MSRA: variants seen among roughly 807,000 people sequenced by gnomAD.
MSRA encodes methionine sulfoxide reductase A.
In MSRA, 54 loss-of-function variants were observed where a neutral mutation model predicts 31.3. The observed-to-expected ratio is 1.73, with a 90% CI of 1.39 to 2.17. MSRA has a LOEUF of 2.17. Among genes scored for constraint, MSRA ranks in the 30% most tolerant of loss-of-function variants. The probability of loss-of-function intolerance (pLI) is 0.00; values close to 1 mark genes in which losing one functional copy is unlikely to be tolerated. For synonymous variants in MSRA, 169 were observed against 116.5 expected, an observed-to-expected ratio of 1.45 and a Z score of -2.90; for missense variants, 507 against 300.9, an observed-to-expected ratio of 1.69 and a Z score of -5.07.
At chr8:10,216,443 G>C (rs1010093525) in intron 2 of MSRA, among the ~76,000 whole-genome samples, 31 of 152,114 alleles carry the variant, frequency 2.0e-4, no homozygotes, top group African/African-American at 7.2e-4. Flanking sequence ...ATTTATCATT[G>C]TAACCATTTT....
intron 1 of MSRA, among the ~76,000 whole-genome samples, chr8:10,201,583 T>A (rs969928975): frequency 6.6e-6 from 1 of 152,228 alleles, no homozygotes; most frequent in Non-Finnish European, 1.5e-5. Context: ...TGATTTTGCA[T>A]TATTGTAGAT....
intron 5 of MSRA, among the ~76,000 whole-genome samples, chr8:10,329,484 C>T (rs1000014945): frequency 2.0e-5 from 3 of 152,206 alleles, no homozygotes; most frequent in African/African-American, 7.2e-5. Flanking sequence ...AGGGCCCACC[C>T]AAACAATCAA....
At chr8:10,127,704 A>G (rs1463100360) in intron 1 of MSRA, among the ~76,000 whole-genome samples, 1 of 152,216 alleles carries the variant, frequency 6.6e-6, no homozygotes, top group African/African-American at 2.4e-5. Flanking sequence ...GAATTGGGTT[A>G]CCTTAGCTAA....
chr8:10,255,104 C>G (rs1207052536), intron 3 of MSRA, among the ~76,000 whole-genome samples: 1 of 152,224 alleles, frequency 6.6e-6, no homozygotes, highest in East Asian at 1.9e-4. Flanking sequence ...TATTCTGGCC[C>G]TAGAGTGCTG....
chr8:10,056,951 G>A (rs995602053), intron 1 of MSRA, among the ~76,000 whole-genome samples: 8 of 152,168 alleles, frequency 5.3e-5, no homozygotes, highest in African/African-American at 1.9e-4. Context: ...TATCAGGTGT[G>A]TACCATTACC....
At chr8:10,065,244 A>G (rs1266445456) in intron 1 of MSRA, among the ~76,000 whole-genome samples, 3 of 152,102 alleles carry the variant, frequency 2.0e-5, no homozygotes, top group African/African-American at 4.8e-5. Context: ...AACAGAGGGC[A>G]CTCAGGCAGT....
At chr8:10,121,844 ATT>A (rs35572639) in intron 1 of MSRA, among the ~76,000 whole-genome samples, 130,139 of 146,794 alleles carry the variant, frequency 0.89, 57,740 homozygotes, top group East Asian at 0.94. Context: ...CTAATTTTTA[ATT>A]TTTTTTTTTT....
chr8:10,300,258 T>C (rs1287453704), intron 3 of MSRA, among the ~76,000 whole-genome samples: 1 of 152,040 alleles, frequency 6.6e-6, no homozygotes, highest in Non-Finnish European at 1.5e-5. Flanking sequence ...CTTTTTTCTT[T>C]CTTTTTTTTT....
intron 1 of MSRA, among the ~76,000 whole-genome samples, chr8:10,120,251 C>T (rs1357205839): frequency 3.9e-5 from 6 of 152,184 alleles, no homozygotes; most frequent in Non-Finnish European, 7.3e-5. Context: ...CGTACTCAGC[C>T]ATGTTGAGAG....
chr8:10,231,864 C>A (rs1428054911), intron 2 of MSRA, among the ~76,000 whole-genome samples: 1 of 152,148 alleles, frequency 6.6e-6, no homozygotes, highest in Non-Finnish European at 1.5e-5. Context: ...GATTGCATCA[C>A]TGCACTCCAG....
chr8:10,147,530 A>G (rs1311192720), intron 1 of MSRA, among the ~76,000 whole-genome samples: 1 of 152,064 alleles, frequency 6.6e-6, no homozygotes, highest in Non-Finnish European at 1.5e-5. Flanking sequence ...GAAGTGACAC[A>G]CTCTGTCTCC....
chr8:10,269,248 C>T (rs570907716), intron 3 of MSRA, among the ~76,000 whole-genome samples: 1 of 152,344 alleles, frequency 6.6e-6, no homozygotes, highest in South Asian at 2.1e-4. Context: ...GAGCCATTCT[C>T]AGTTTTCTGA....
intron 1 of MSRA, among the ~76,000 whole-genome samples, chr8:10,179,012 C>T (rs1044614466): frequency 2.6e-5 from 4 of 152,072 alleles, no homozygotes; most frequent in African/African-American, 9.7e-5. Context: ...ATTTCTGATG[C>T]TCTGTTGATT....
chr8:10,092,267 T>C (rs1239986499), intron 1 of MSRA, among the ~76,000 whole-genome samples: 1 of 152,194 alleles, frequency 6.6e-6, no homozygotes, highest in Non-Finnish European at 1.5e-5. Context: ...TCCATTGTGG[T>C]TGGAAAACAC....
intron 4 of MSRA, among the ~76,000 whole-genome samples, chr8:10,305,850 C>G (rs17151667): frequency 0.18 from 27,148 of 152,146 alleles, 2,851 homozygotes; most frequent in African/African-American, 0.29. Context: ...GGATGCCACT[C>G]CACGGATTAG....
chr8:10,251,524 C>G (rs1468035729), intron 3 of MSRA, among the ~76,000 whole-genome samples: 2 of 152,042 alleles, frequency 1.3e-5, no homozygotes, highest in Non-Finnish European at 2.9e-5. Context: ...GCTTTTTATT[C>G]CTCTTATTTT....
Position 10,424,584 on chromosome 8 carries a change from G to A in MSRA, c.544-3564G>A, listed in dbSNP as rs372242256. On this transcript the variant is annotated intron_variant, in intron 5 of 5. Transcript: ENST00000317173. ...AGTGGGATTCGGGAGAAGGGCCTGG[G>A]GTGGAGAGGGACAGGGAGAAGGGGC... is the stretch of plus-strand genomic sequence containing the variant. Among the ~76,000 whole-genome samples the A allele has an allele frequency of 3.0e-4, 45 of 151,212 alleles. 1 individual carries two copies. The South Asian group carries it at 9.2e-3, about 31-fold the overall frequency.
chr8:10,082,051 A>G (rs931111821), intron 1 of MSRA, among the ~76,000 whole-genome samples: 6 of 152,088 alleles, frequency 3.9e-5, no homozygotes, highest in Non-Finnish European at 7.4e-5. Context: ...AAAATATATT[A>G]TGCAATTTCC....
At chr8:10,118,449 C>T (rs760199047) in intron 1 of MSRA, among the ~76,000 whole-genome samples, 32 of 152,092 alleles carry the variant, frequency 2.1e-4, no homozygotes, top group Non-Finnish European at 4.4e-4. Flanking sequence ...TATAACCTCC[C>T]TGAGGAAATG....
Sources: gnomAD v4.1 joint callset for allele counts (sites outside exome capture counted in the v4.1 genomes callset) on GRCh38, gnomAD v4.1.1 for gene constraint, MANE v1.5 for transcripts, NCBI Gene and HGNC (gene_info 2026-07-23, HGNC 2026-07-21) for gene names.